LRP1B: variants seen among roughly 807,000 people sequenced by gnomAD.
LRP1B encodes the protein LDL receptor related protein 1B, also known as low-density lipoprotein receptor-related protein 1B.
Under a neutral mutation model 556.6 loss-of-function variants are expected in LRP1B, and 217 were observed. The ratio of observed to expected loss-of-function variants is 0.39; its 90% CI spans 0.35 to 0.44. LRP1B has a LOEUF of 0.44. LRP1B is among the 20% of genes least tolerant of loss of function. The pLI is 1.00. For synonymous variants in LRP1B, 2,047 were observed against 1,865.8 expected, an observed-to-expected ratio of 1.10 and a Z score of -2.50; for missense variants, 5,053 against 5,620.8, an observed-to-expected ratio of 0.90 and a Z score of 3.23.
intron 7 of LRP1B, among the ~76,000 whole-genome samples, chr2:141,115,808 G>C (rs1700884282): frequency 6.6e-6 from 1 of 152,018 alleles, no homozygotes; most frequent in African/African-American, 2.4e-5. Context: ...AGGCAGAGAT[G>C]GGGTGTGGTT....
At chr2:142,097,773 G>A (rs755043984) in intron 1 of LRP1B, among the ~76,000 whole-genome samples, 1 of 151,612 alleles carries the variant, frequency 6.6e-6, no homozygotes, top group Non-Finnish European at 1.5e-5. Flanking sequence ...AATCTAGCTC[G>A]ATATAAAGAG....
intron 2 of LRP1B, among the ~76,000 whole-genome samples, chr2:141,592,652 C>T (rs1449895057): frequency 6.6e-6 from 1 of 151,974 alleles, no homozygotes; most frequent in Non-Finnish European, 1.5e-5. Context: ...TTAGGACTTC[C>T]CTGGTATGAG....
intron 43 of LRP1B, among the ~76,000 whole-genome samples, chr2:140,564,805 A>G (rs1191120655): frequency 2.0e-5 from 3 of 152,108 alleles, no homozygotes; most frequent in African/African-American, 7.2e-5. Flanking sequence ...AGACTCTGAG[A>G]AGCTCTTTGT....
At chr2:141,485,683 C>A (rs552493437) in intron 2 of LRP1B, among the ~76,000 whole-genome samples, 1 of 152,120 alleles carries the variant, frequency 6.6e-6, no homozygotes, top group Non-Finnish European at 1.5e-5. Flanking sequence ...AAGCTCCTTA[C>A]AGATTCTGTC....
chr2:141,053,851 T>C (rs1045041724), intron 10 of LRP1B, among the ~76,000 whole-genome samples: 1 of 151,690 alleles, frequency 6.6e-6, no homozygotes, highest in African/African-American at 2.4e-5. Context: ...TGTGTGTGAT[T>C]ATATTTCCCA....
intron 1 of LRP1B, among the ~76,000 whole-genome samples, chr2:141,854,434 G>A (rs765041284): frequency 4.0e-5 from 6 of 151,784 alleles, no homozygotes; most frequent in Non-Finnish European, 8.8e-5. Context: ...CTCAATAAAC[G>A]GCATTGCAAA....
chr2:141,715,463 C>T (rs1419560596), intron 2 of LRP1B, among the ~76,000 whole-genome samples: 1 of 151,878 alleles, frequency 6.6e-6, no homozygotes, highest in Admixed American at 6.6e-5. Flanking sequence ...AGAGCAAGAC[C>T]CTATCTCAAA....
intron 6 of LRP1B, among the ~76,000 whole-genome samples, chr2:141,199,186 G>A (rs1391178871): frequency 6.6e-6 from 1 of 152,098 alleles, no homozygotes; most frequent in Non-Finnish European, 1.5e-5. Flanking sequence ...AAGATTTACT[G>A]TCCCGCACAA....
At chr2:141,985,183 G>A (rs1025712636) in intron 1 of LRP1B, among the ~76,000 whole-genome samples, 2 of 152,044 alleles carry the variant, frequency 1.3e-5, no homozygotes, top group African/African-American at 4.8e-5. Context: ...AATGCTCTTT[G>A]TTTAAAAATG....
intron 10 of LRP1B, among the ~76,000 whole-genome samples, chr2:141,051,701 AAG>A (rs1699040720): frequency 6.6e-6 from 1 of 152,086 alleles, no homozygotes; most frequent in African/African-American, 2.4e-5. Context: ...AAATTTTTAA[AAG>A]AGTTTTAACA....
intron 41 of LRP1B, among the ~76,000 whole-genome samples, chr2:140,617,030 C>T (rs1206742906): frequency 6.6e-6 from 1 of 151,894 alleles, no homozygotes; most frequent in Non-Finnish European, 1.5e-5. Context: ...CAATTTACTT[C>T]ACAGGTTAAT....
At chr2:140,977,474 A>G (rs1326014981) in intron 18 of LRP1B, among the ~76,000 whole-genome samples, 5 of 152,204 alleles carry the variant, frequency 3.3e-5, no homozygotes, top group Non-Finnish European at 7.3e-5. Context: ...TCCAACTTAA[A>G]TTAATTTTGC....
intron 35 of LRP1B, among the ~76,000 whole-genome samples, chr2:140,765,348 G>A (rs973581651): frequency 2.6e-5 from 4 of 152,088 alleles, no homozygotes; most frequent in African/African-American, 7.2e-5. Flanking sequence ...TCATTATTAA[G>A]GAGAAGTCAT....
intron 2 of LRP1B, among the ~76,000 whole-genome samples, chr2:141,493,587 A>G (rs114598471): frequency 0.027 from 4,182 of 152,244 alleles, 96 homozygotes; most frequent in Non-Finnish European, 0.037. Context: ...AGAGCTGGCA[A>G]ATGAGAGACA....
chr2:140,737,800 C>A (rs1210827539), intron 35 of LRP1B, among the ~76,000 whole-genome samples: 1 of 152,152 alleles, frequency 6.6e-6, no homozygotes, highest in East Asian at 1.9e-4. Flanking sequence ...CTGGCCCCTG[C>A]AAAAACTAGA....
At chr2:141,397,374 C>A (rs1234727357) in intron 3 of LRP1B, among the ~76,000 whole-genome samples, 1 of 151,224 alleles carries the variant, frequency 6.6e-6, no homozygotes, top group Non-Finnish European at 1.5e-5. Flanking sequence ...TATTTGGTTC[C>A]ATTTTACTAA....
intron 6 of LRP1B, among the ~76,000 whole-genome samples, chr2:141,214,548 G>T (rs1682710379): frequency 1.3e-5 from 2 of 150,026 alleles, no homozygotes; most frequent in Admixed American, 1.3e-4. Context: ...TGGAATAAAG[G>T]GTTAAAAGTC....
intron 3 of LRP1B, among the ~76,000 whole-genome samples, chr2:141,399,818 C>A (rs932715028): frequency 2.6e-5 from 4 of 152,136 alleles, no homozygotes; most frequent in Admixed American, 1.3e-4. Context: ...CCAGAATCTA[C>A]AATGTTCTAC....
chr2:141,369,717 A>C (rs1057073580), intron 3 of LRP1B, among the ~76,000 whole-genome samples: 1 of 152,120 alleles, frequency 6.6e-6, no homozygotes, highest in Non-Finnish European at 1.5e-5. Context: ...ATATTGATAT[A>C]TTGCATTGTG....
Sources: allele counts gnomAD v4.1 joint callset (sites outside exome capture counted in the v4.1 genomes callset), GRCh38; gene constraint gnomAD v4.1.1; transcripts MANE v1.5; gene names NCBI Gene and HGNC (gene_info 2026-07-23, HGNC 2026-07-21).